The following CCDC178 variants were observed in gnomAD, a reference collection of about 807,000 sequenced individuals.
CCDC178 encodes the protein coiled-coil domain containing 178, also known as coiled-coil domain-containing protein 178.
In CCDC178, 126 loss-of-function variants were observed where a neutral mutation model predicts 117.4. That is an observed-to-expected ratio of 1.07 (90% confidence interval 0.93 to 1.24). The LOEUF (loss-of-function observed/expected upper bound fraction) is 1.24. Ranked by LOEUF, CCDC178 falls within the 50% of genes most tolerant of loss-of-function variation. The probability of loss-of-function intolerance (pLI) is 0.00; values close to 1 mark genes in which losing one functional copy is unlikely to be tolerated. For synonymous variants in CCDC178, 283 were observed against 313.4 expected, an observed-to-expected ratio of 0.90 and a Z score of 1.02; for missense variants, 1,030 against 986.9, an observed-to-expected ratio of 1.04 and a Z score of -0.59.
chr18:33,424,847 A>G (rs1334813379), intron 2 of CCDC178, among the ~76,000 whole-genome samples: 2 of 152,108 alleles, frequency 1.3e-5, no homozygotes, highest in Non-Finnish European at 2.9e-5. Flanking sequence ...ATTAAACCGC[A>G]CTTCACCTGC....
Position 33,147,935 on chromosome 18 carries a change from G to A in CCDC178, c.2239-55025C>T, listed in dbSNP as rs554992645. Among the ~76,000 whole-genome samples, 542 of 151,762 alleles carry A rather than the reference G, an allele frequency of 3.6e-3. 1 individual carries two copies. Among genetic ancestry groups the A allele is most frequent in the Non-Finnish European group, 6.5e-3 (444 of 67,848 alleles). ...CAGAGGGGCTCCTCACTTCCCAGAC[G>A]GGGCGGCCAGGCAGAGGCGCCCCCA... On this transcript the variant is annotated intron_variant, in intron 20 of 22. Coordinates refer to ENST00000383096, the MANE Select transcript of CCDC178 (RefSeq NM_001105528.4).
intron 20 of CCDC178, among the ~76,000 whole-genome samples, chr18:33,203,364 CTTT>C (rs1374230348): frequency 2.0e-5 from 3 of 151,902 alleles, no homozygotes; most frequent in Non-Finnish European, 4.4e-5. Context: ...CATAATTTTT[CTTT>C]TTTATTAGGC....
chr18:33,291,406 A>G (rs1278504548), intron 12 of CCDC178, among the ~76,000 whole-genome samples: 1 of 152,154 alleles, frequency 6.6e-6, no homozygotes, highest in Non-Finnish European at 1.5e-5. Context: ...GAAAATCATG[A>G]GCAGGTTTTC....
intron 22 of CCDC178, among the ~76,000 whole-genome samples, chr18:32,961,080 G>A (rs1162237462): frequency 2.0e-5 from 3 of 152,002 alleles, no homozygotes; most frequent in Non-Finnish European, 4.4e-5. Context: ...TATTTGGGAT[G>A]GACTGTTTCT....
chr18:32,986,106 T>A (rs1183476769), intron 21 of CCDC178, among the ~76,000 whole-genome samples: 6 of 152,078 alleles, frequency 3.9e-5, no homozygotes, highest in Non-Finnish European at 7.4e-5. Flanking sequence ...CAAAATGTAA[T>A]GAAAAATTAT....
chr18:33,120,775 C>T (rs1197556927), intron 20 of CCDC178, among the ~76,000 whole-genome samples: 2 of 152,004 alleles, frequency 1.3e-5, no homozygotes, highest in East Asian at 3.9e-4. Flanking sequence ...TTGTTTTCTT[C>T]CTTATCTTAC....
intron 11 of CCDC178, among the ~76,000 whole-genome samples, chr18:33,306,787 A>G (rs965582022): frequency 1.3e-5 from 2 of 151,850 alleles, no homozygotes; most frequent in African/African-American, 4.8e-5. Context: ...CATAATCCCC[A>G]TGTGTCCTTG....
intron 20 of CCDC178, among the ~76,000 whole-genome samples, chr18:33,170,884 ATTCATC>A (rs1330868042): frequency 0.016 from 2,404 of 152,234 alleles, 28 homozygotes; most frequent in Middle Eastern, 0.048. Flanking sequence ...TAACAACTTT[ATTCATC>A]TTATAGTAGC....
At chr18:33,356,049 A>G (rs978770258) in intron 7 of CCDC178, among the ~76,000 whole-genome samples, 1 of 152,150 alleles carries the variant, frequency 6.6e-6, no homozygotes, top group Admixed American at 6.5e-5. Context: ...TTAAATTTTT[A>G]CTGGATTCCA....
intron 20 of CCDC178, among the ~76,000 whole-genome samples, chr18:33,174,273 C>CA (rs1185036629): frequency 5.3e-5 from 8 of 152,136 alleles, no homozygotes; most frequent in Non-Finnish European, 1.2e-4. Context: ...TCCTATAGCC[C>CA]AAATACCTCC....
chr18:33,363,491 CT>C (rs2063157683), intron 6 of CCDC178, among the ~76,000 whole-genome samples: 1 of 151,980 alleles, frequency 6.6e-6, no homozygotes, highest in African/African-American at 2.4e-5. Flanking sequence ...ATGAGCAGAA[CT>C]GGGTTCTAAT....
chr18:33,344,153 AAT>A lies in CCDC178; in HGVS notation c.658+2056_658+2057del, dbSNP rs2062853083. ...CCCCGTCTCTACTAAAAATACAAAA[AAT>A]TAGCCGGGCGCGGTGGCGGGCGCCT... On this transcript the variant is annotated intron_variant, in intron 9 of 22. Coordinates refer to ENST00000383096, the MANE Select transcript of CCDC178 (RefSeq NM_001105528.4). Among the ~76,000 whole-genome samples, 5 of 150,718 alleles carry A rather than the reference AAT, an allele frequency of 3.3e-5. No individual in the cohort carries two copies. In the South Asian group the frequency reaches 1.1e-3, roughly 32 times the overall value.
At chr18:33,162,403 T>C (rs781422235) in intron 20 of CCDC178, among the ~76,000 whole-genome samples, 1 of 152,196 alleles carries the variant, frequency 6.6e-6, no homozygotes, top group Non-Finnish European at 1.5e-5. Context: ...AGCTGAAATA[T>C]TCTCAACATA....
At chr18:32,960,434 G>A (rs569208065) in intron 22 of CCDC178, among the ~76,000 whole-genome samples, 1 of 152,184 alleles carries the variant, frequency 6.6e-6, no homozygotes, top group South Asian at 2.1e-4. Context: ...CACACTCAAA[G>A]GGAGATTTTG....
At chr18:33,291,255 C>A (rs1413806122) in intron 12 of CCDC178, among the ~76,000 whole-genome samples, 1 of 151,968 alleles carries the variant, frequency 6.6e-6, no homozygotes, top group African/African-American at 2.4e-5. Context: ...TAAACTGAAA[C>A]GTCTCTTCAT....
intron 20 of CCDC178, among the ~76,000 whole-genome samples, chr18:33,203,329 T>C (rs1401901517): frequency 1.3e-5 from 2 of 152,190 alleles, no homozygotes; most frequent in East Asian, 3.9e-4. Context: ...CTTTTAACTT[T>C]GTTTTTAAGT....
rs116845008 is a variant in CCDC178 at position 33,159,329 on chromosome 18, T to G, written c.2238+52567A>C. Among the ~76,000 whole-genome samples the G allele has an allele frequency of 7.9e-5, 12 of 152,222 alleles. No homozygotes were observed. The East Asian group carries it at 2.3e-3, about 29-fold the overall frequency. ...GGCCTAGTGCCATTTTGTTGAACAT[T>G]ATGGTATGATTTTGCTGATGCAGCT... On this transcript the variant is annotated intron_variant, in intron 20 of 22. Coordinates refer to ENST00000383096, the MANE Select transcript of CCDC178 (RefSeq NM_001105528.4).
intron 22 of CCDC178, chr18:32,958,227 A>G: frequency 1.8e-6 from 1 of 568,298 alleles, no homozygotes; most frequent in Admixed American, 2.9e-5. Context: ...TGGTTCTGTA[A>G]AACAAAAACA....
At chr18:33,077,675 C>G (rs1322819067) in intron 21 of CCDC178, among the ~76,000 whole-genome samples, 1 of 152,022 alleles carries the variant, frequency 6.6e-6, no homozygotes, top group Admixed American at 6.6e-5. Context: ...AACTAGAAAA[C>G]CTAGGAGAGA....
Sources: allele counts gnomAD v4.1 joint callset (sites outside exome capture counted in the v4.1 genomes callset), GRCh38; gene constraint gnomAD v4.1.1; transcripts MANE v1.5; gene names NCBI Gene and HGNC (gene_info 2026-07-23, HGNC 2026-07-21).